Variants in NRXN1 observed in about 807,000 individuals in gnomAD.
NRXN1 encodes the protein neurexin-1.
In NRXN1, 39 loss-of-function variants were observed where a neutral mutation model predicts 150.9. The ratio of observed to expected loss-of-function variants is 0.26; its 90% CI spans 0.20 to 0.34. NRXN1 has a LOEUF of 0.34. NRXN1 is among the 10% of genes least tolerant of loss of function. NRXN1 has a pLI of 1.00. For missense variants in NRXN1, 1,815 were observed against 1,949.9 expected (o/e 0.93, Z 1.30); for synonymous variants, 924 against 757.0 (o/e 1.22, Z -3.62).
chr2:50,278,975 C>T (rs546575413), intron 17 of NRXN1, among the ~76,000 whole-genome samples: 30 of 152,300 alleles, frequency 2.0e-4, no homozygotes, highest in African/African-American at 7.0e-4. Context: ...CCAATTATAT[C>T]ACAATCCACT....
At chr2:50,148,774 G>A (rs975161339) in intron 18 of NRXN1, among the ~76,000 whole-genome samples, 5 of 151,620 alleles carry the variant, frequency 3.3e-5, no homozygotes, top group African/African-American at 1.2e-4. Context: ...ATGTCAATCG[G>A]GATGATTAAA....
intron 5 of NRXN1, among the ~76,000 whole-genome samples, chr2:50,812,093 C>G (rs990242905): frequency 1.3e-5 from 2 of 151,928 alleles, no homozygotes; most frequent in African/African-American, 2.4e-5. Context: ...AAAAACTTAA[C>G]TGTACTTTTC....
chr2:50,327,023 A>G (rs1359298043), intron 17 of NRXN1, among the ~76,000 whole-genome samples: 1 of 152,234 alleles, frequency 6.6e-6, no homozygotes, highest in African/African-American at 2.4e-5. Flanking sequence ...AAAGTTAAAC[A>G]AAATCCTGTT....
At chr2:50,859,211 G>T (rs2193223) in intron 5 of NRXN1, among the ~76,000 whole-genome samples, 11,782 of 151,894 alleles carry the variant, frequency 0.078, 570 homozygotes, top group Non-Finnish European at 0.11. Flanking sequence ...AGGAAAGCCA[G>T]GTCTCAGCAT....
intron 18 of NRXN1, among the ~76,000 whole-genome samples, chr2:50,140,410 C>G (rs1179378400): frequency 6.6e-6 from 1 of 152,072 alleles, no homozygotes; most frequent in Admixed American, 6.6e-5. Context: ...TCAGGATGTT[C>G]CTAGATACCT....
At chr2:50,739,740 T>C (rs1699205331) in intron 5 of NRXN1, among the ~76,000 whole-genome samples, 1 of 152,210 alleles carries the variant, frequency 6.6e-6, no homozygotes, top group South Asian at 2.1e-4. Context: ...TTATAGGAAG[T>C]ATCACAGATT....
chr2:50,920,071 A>G, intron 5 of NRXN1: 1 of 304,018 alleles, frequency 3.3e-6, no homozygotes, highest in Non-Finnish European at 7.4e-6. Flanking sequence ...ACAATATGAA[A>G]TGGGTACCAA....
At chr2:50,420,952 C>G (rs1204446056) in intron 17 of NRXN1, among the ~76,000 whole-genome samples, 11 of 144,284 alleles carry the variant, frequency 7.6e-5, no homozygotes. Flanking sequence ...TCACCCTAGT[C>G]AAAATAGACC....
At chr2:50,992,789 A>T (rs936368864) in intron 2 of NRXN1, among the ~76,000 whole-genome samples, 1 of 151,844 alleles carries the variant, frequency 6.6e-6, no homozygotes, top group Non-Finnish European at 1.5e-5. Context: ...TTAGTGATGC[A>T]TGGGGAGAGA....
intron 17 of NRXN1, among the ~76,000 whole-genome samples, chr2:50,291,356 A>T (rs2152944048): frequency 6.6e-6 from 1 of 152,132 alleles, no homozygotes; most frequent in East Asian, 1.9e-4. Flanking sequence ...TTAAGATTTT[A>T]TCCTTAACTG....
chr2:50,027,796 T>A (rs1043437359), intron 21 of NRXN1, among the ~76,000 whole-genome samples: 51 of 152,150 alleles, frequency 3.4e-4, no homozygotes, highest in Non-Finnish European at 7.1e-4. Context: ...AGGGGAAACT[T>A]CTATCCTAAC....
chr2:50,419,875 A>T (rs1264498154), intron 17 of NRXN1, among the ~76,000 whole-genome samples: 1 of 152,066 alleles, frequency 6.6e-6, no homozygotes, highest in Non-Finnish European at 1.5e-5. Flanking sequence ...TTTACTTGGT[A>T]CCAATAACAC....
At chr2:50,576,061 T>C (rs947606682) in intron 8 of NRXN1, among the ~76,000 whole-genome samples, 1 of 152,082 alleles carries the variant, frequency 6.6e-6, no homozygotes, top group African/African-American at 2.4e-5. Flanking sequence ...AAAGAAACAA[T>C]GTGATTATTA....
At chr2:50,363,338 T>C (rs898737849) in intron 17 of NRXN1, among the ~76,000 whole-genome samples, 4 of 151,866 alleles carry the variant, frequency 2.6e-5, no homozygotes, top group African/African-American at 9.7e-5. Flanking sequence ...TTGCAATCTA[T>C]CCATCTGGCA....
intron 17 of NRXN1, among the ~76,000 whole-genome samples, chr2:50,352,572 A>G (rs1330452865): frequency 6.6e-6 from 1 of 151,858 alleles, no homozygotes; most frequent in East Asian, 1.9e-4. Flanking sequence ...AGTAAAGATA[A>G]GCAGACCCCA....
chr2:50,189,568 A>G (rs1195430248), intron 18 of NRXN1, among the ~76,000 whole-genome samples: 2 of 152,244 alleles, frequency 1.3e-5, no homozygotes, highest in East Asian at 3.9e-4. Flanking sequence ...TAGCTAGTAT[A>G]TTTCATATTA....
At chr2:50,711,406 G>A (rs1259714437) in intron 5 of NRXN1, among the ~76,000 whole-genome samples, 4 of 149,480 alleles carry the variant, frequency 2.7e-5, no homozygotes, top group African/African-American at 7.5e-5. Flanking sequence ...CACAATCTTG[G>A]CTCACTGCAA....
chr2:50,955,279 C>G (rs1477694825), intron 2 of NRXN1, among the ~76,000 whole-genome samples: 1 of 152,130 alleles, frequency 6.6e-6, no homozygotes, highest in Non-Finnish European at 1.5e-5. Flanking sequence ...AAATAAAAAA[C>G]AGGAGAGGGA....
At chr2:50,206,121 A>G (rs2062550314) in intron 18 of NRXN1, among the ~76,000 whole-genome samples, 1 of 152,072 alleles carries the variant, frequency 6.6e-6, no homozygotes, top group African/African-American at 2.4e-5. Context: ...TCCCAAAGAA[A>G]TACTAGAAAA....
Sources: allele counts gnomAD v4.1 joint callset (sites outside exome capture counted in the v4.1 genomes callset), GRCh38; gene constraint gnomAD v4.1.1; transcripts MANE v1.5; gene names NCBI Gene and HGNC (gene_info 2026-07-23, HGNC 2026-07-21).